Variants in PCDH11X observed in about 807,000 individuals in gnomAD.
The protein encoded by PCDH11X is protocadherin 11 X-linked, also known as protocadherin-11 X-linked.
Under a neutral mutation model 53.3 loss-of-function variants are expected in PCDH11X, and 18 were observed. The ratio of observed to expected loss-of-function variants is 0.34; its 90% CI spans 0.23 to 0.50. PCDH11X has a LOEUF of 0.50. Ranked by LOEUF, PCDH11X falls within the 20% of genes least tolerant of loss-of-function variation. PCDH11X has a pLI of 0.98. For synonymous variants in PCDH11X, 279 were observed against 393.3 expected (o/e 0.71, Z 3.44); for missense variants, 570 against 1,032.4 (o/e 0.55, Z 6.14).
intron 7 of PCDH11X, among the ~76,000 whole-genome samples, chrX:92,233,141 T>G (rs898809027): frequency 1.5e-4 from 2 of 13,275 alleles, no homozygotes; most frequent in Non-Finnish European, 2.3e-3. Context: ...CTCAGTCGAT[T>G]GTACTCTTAG....
intron 7 of PCDH11X, among the ~76,000 whole-genome samples, chrX:92,217,406 G>A (rs1462665630): frequency 1.0e-5 from 1 of 100,409 alleles, no homozygotes. Flanking sequence ...TGCAATCCTA[G>A]TCTCTGATAA....
intron 8 of PCDH11X, among the ~76,000 whole-genome samples, chrX:92,331,250 T>G (rs1177736916): frequency 9.3e-6 from 1 of 108,108 alleles, no homozygotes; most frequent in Non-Finnish European, 1.9e-5. Flanking sequence ...CATGAGCTGA[T>G]TTTTTCTTTC....
intron 7 of PCDH11X, among the ~76,000 whole-genome samples, chrX:92,205,061 G>A: frequency 9.0e-6 from 1 of 111,710 alleles, no homozygotes; most frequent in African/African-American, 3.3e-5. Context: ...GGGACACAGA[G>A]TCAAACCATG....
chrX:92,358,944 T>G (rs763097377), intron 8 of PCDH11X, among the ~76,000 whole-genome samples: 13 of 108,410 alleles, frequency 1.2e-4, no homozygotes, highest in African/African-American at 4.0e-4. Flanking sequence ...TCTGCAGTCC[T>G]TCAGCCTTAC....
chrX:92,466,013 T>A (rs1182492297), intron 9 of PCDH11X, among the ~76,000 whole-genome samples: 1 of 111,405 alleles, frequency 9.0e-6, no homozygotes, highest in Non-Finnish European at 1.9e-5. Flanking sequence ...CTATCGTTTT[T>A]AAATTTATTA....
At chrX:91,932,319 C>T (rs1171100419) in intron 6 of PCDH11X, among the ~76,000 whole-genome samples, 1 of 108,536 alleles carries the variant, frequency 9.2e-6, no homozygotes, top group Admixed American at 1.0e-4. Context: ...TGTCATGCCC[C>T]TTTTTGAGTT....
intron 6 of PCDH11X, among the ~76,000 whole-genome samples, chrX:92,109,982 CTG>C (rs1248066627): frequency 8.9e-6 from 1 of 112,378 alleles, no homozygotes; most frequent in Non-Finnish European, 1.9e-5. Context: ...GAATAAAACA[CTG>C]TATAATTTAG....
chrX:92,274,501 A>C (rs1006178811), intron 8 of PCDH11X, among the ~76,000 whole-genome samples: 12 of 110,542 alleles, frequency 1.1e-4, no homozygotes, highest in South Asian at 3.9e-4. Context: ...GTAGGAAAGG[A>C]CTCTACCTGT....
At chrX:91,919,641 G>A (rs1161800012) in intron 6 of PCDH11X, among the ~76,000 whole-genome samples, 1 of 111,287 alleles carries the variant, frequency 9.0e-6, no homozygotes. Context: ...TTATCAGGAA[G>A]AGAAAGAAAT....
intron 9 of PCDH11X, among the ~76,000 whole-genome samples, chrX:92,416,282 A>G (rs1036339564): frequency 1.8e-5 from 2 of 110,592 alleles, no homozygotes; most frequent in African/African-American, 6.6e-5. Flanking sequence ...ACTATAGTCA[A>G]TAATAACTGT....
At chrX:91,825,064 A>G (rs1282682266) in intron 4 of PCDH11X, among the ~76,000 whole-genome samples, 4 of 111,177 alleles carry the variant, frequency 3.6e-5, no homozygotes, top group Non-Finnish European at 3.8e-5. Flanking sequence ...TGGGAGAACC[A>G]CTGCTCTCTT....
At chrX:92,564,372 T>C (rs1294441556) in intron 10 of PCDH11X, among the ~76,000 whole-genome samples, 1 of 102,164 alleles carries the variant, frequency 9.8e-6, no homozygotes, top group Non-Finnish European at 2.0e-5. Flanking sequence ...CAAATTATAC[T>C]ACACAACTAT....
chrX:91,943,863 GA>G lies in PCDH11X; in HGVS notation c.3033+64600del, dbSNP rs1200548395. 2.1e-3 allele frequency among the ~76,000 whole-genome samples: 204 copies of G among 94,906 alleles called. 1 individual carries two copies. The highest frequency in any genetic ancestry group is 4.9e-3 in the Admixed American group (40 of 8,237). 82.4% of individuals were successfully genotyped at this position (94,906 alleles called of 115,157 possible). ...ACATTTCTTTCAGACTAGAAAGTAA[GA>G]AAAAAAAAAGCCACAGGCTTACTTA... On this transcript the variant is annotated intron_variant, in intron 6 of 10. Coordinates refer to ENST00000682573, the MANE Select transcript of PCDH11X (RefSeq NM_032968.5).
intron 6 of PCDH11X, among the ~76,000 whole-genome samples, chrX:91,912,682 CAGAT>C (rs1256580951): frequency 9.1e-6 from 1 of 109,654 alleles, no homozygotes; most frequent in Admixed American, 9.8e-5. Flanking sequence ...GGGGAAATGG[CAGAT>C]AGGAGACAGG....
At chrX:92,365,356 T>C (rs1450395321) in intron 8 of PCDH11X, among the ~76,000 whole-genome samples, 1 of 110,056 alleles carries the variant, frequency 9.1e-6, no homozygotes, top group African/African-American at 3.3e-5. Flanking sequence ...GTATGTGTTA[T>C]ACTTTTATAC....
rs1029760407 is a variant in PCDH11X at position 91,898,203 on chromosome X, C to T, written c.3033+18930C>T. ...CTCATCTAATCTTCTTATAATATTA[C>T]GAGCTAGATATCATTGGTATCATAC... is the stretch of plus-strand genomic sequence containing the variant. On this transcript the variant is annotated intron_variant, in intron 6 of 10. Transcript: ENST00000682573. Among the ~76,000 whole-genome samples the T allele has an allele frequency of 1.0e-4, 11 of 109,107 alleles. 1 individual carries two copies. Among genetic ancestry groups the T allele is most frequent in the Middle Eastern group, 9.3e-3 (2 of 216 alleles). 94.7% of individuals were successfully genotyped at this position (109,107 alleles called of 115,157 possible).
chrX:92,522,776 A>G (rs2074388511), intron 10 of PCDH11X, among the ~76,000 whole-genome samples: 1 of 112,607 alleles, frequency 8.9e-6, no homozygotes, highest in African/African-American at 3.2e-5. Flanking sequence ...TGTGGAGTTT[A>G]AGAAAAAGTG....
At chrX:92,053,142 T>C (rs2148050132) in intron 6 of PCDH11X, among the ~76,000 whole-genome samples, 1 of 111,751 alleles carries the variant, frequency 8.9e-6, no homozygotes. Context: ...TAGAAAGTTA[T>C]TAGAAAAAAT....
At chrX:91,989,717 T>C (rs1197317611) in intron 6 of PCDH11X, among the ~76,000 whole-genome samples, 1 of 111,024 alleles carries the variant, frequency 9.0e-6, no homozygotes, top group Non-Finnish European at 1.9e-5. Context: ...AAATTTTGAT[T>C]TCAAATGCAT....
Sources: allele counts gnomAD v4.1 joint callset (sites outside exome capture counted in the v4.1 genomes callset), GRCh38; gene constraint gnomAD v4.1.1; transcripts MANE v1.5; gene names NCBI Gene and HGNC (gene_info 2026-07-23, HGNC 2026-07-21).